The following FAM168A variants were observed in gnomAD, a reference collection of about 807,000 sequenced individuals.
FAM168A encodes the protein family with sequence similarity 168 member A.
In FAM168A, 3 loss-of-function variants were observed where a neutral mutation model predicts 28.5. That is an observed-to-expected ratio of 0.11 (90% CI 0.05 to 0.27). The LOEUF (loss-of-function observed/expected upper bound fraction) is 0.27. FAM168A is among the 10% of genes least tolerant of loss of function. FAM168A has a pLI of 1.00. For synonymous variants in FAM168A, 122 were observed against 124.2 expected (o/e 0.98, Z 0.12); for missense variants, 222 against 311.5 (o/e 0.71, Z 2.16).
intron 2 of FAM168A, among the ~76,000 whole-genome samples, chr11:73,454,442 C>T (rs1439648615): frequency 6.6e-6 from 1 of 152,140 alleles, no homozygotes; most frequent in Non-Finnish European, 1.5e-5. Context: ...AACTCCTCTC[C>T]TCTCATGCTT....
At chr11:73,456,916 G>GATAA (rs1256076325) in intron 2 of FAM168A, among the ~76,000 whole-genome samples, 1 of 152,196 alleles carries the variant, frequency 6.6e-6, no homozygotes, top group African/African-American at 2.4e-5. Context: ...CAAATATGGG[G>GATAA]GTTATGTGTT....
Position 73,402,284 on chromosome 11 carries a change from C to G in FAM168A, c.*4479G>C, listed in dbSNP as rs938589625. On this transcript the variant is annotated 3_prime_UTR_variant, in exon 8 of 8. Transcript: ENST00000356467. ...ACAGGGCCCAGAATGGGGCCCACCC[C>G]CTCTGGGCACAGAACAAAGCTGAGG... is the stretch of plus-strand genomic sequence containing the variant. The G allele has an allele frequency of 1.3e-5, 2 of 152,246 alleles. No homozygotes were observed. Among genetic ancestry groups the G allele is most frequent in the South Asian group, 2.1e-4 (1 of 4,828 alleles). The allele number at this position is 152,246 out of a possible 1,614,324, so 9.4% of individuals were successfully genotyped here. A position where few individuals can be genotyped will look rare whatever the true frequency, so the allele number is the denominator to read the frequency against.
intron 1 of FAM168A, among the ~76,000 whole-genome samples, chr11:73,544,949 A>AT (rs1943716994): frequency 2.2e-5 from 2 of 92,624 alleles, no homozygotes; most frequent in African/African-American, 1.2e-4. Context: ...TGTAATATAT[A>AT]ATATATTATA....
chr11:73,574,186 T>C (rs1323700550), intron 1 of FAM168A, among the ~76,000 whole-genome samples: 1 of 152,186 alleles, frequency 6.6e-6, no homozygotes, highest in Non-Finnish European at 1.5e-5. Context: ...CACATAATAG[T>C]TACTATCTTG....
rs182523756 is a variant in FAM168A at position 73,529,247 on chromosome 11, G to T, written c.-18-60755C>A. 2.0e-3 allele frequency among the ~76,000 whole-genome samples: 312 copies of T among 152,228 alleles called. 2 individuals carry two copies. Among genetic ancestry groups the T allele is most frequent in the South Asian group, 0.011 (53 of 4,818 alleles). ...CTCTATGCTTGCCTTCATAAGCTGG[G>T]AGAAAGGAAGGTGTTGCCTGTTCAA... On this transcript the variant is annotated intron_variant, in intron 1 of 7. Transcript: ENST00000356467.
At chr11:73,566,666 T>C (rs1488441117) in intron 1 of FAM168A, among the ~76,000 whole-genome samples, 1 of 152,190 alleles carries the variant, frequency 6.6e-6, no homozygotes, top group East Asian at 1.9e-4. Flanking sequence ...ACACAAGATT[T>C]GGATTCAAGT....
At chr11:73,535,873 AT>A (rs59707150) in intron 1 of FAM168A, among the ~76,000 whole-genome samples, 30,644 of 140,876 alleles carry the variant, frequency 0.22, 5,035 homozygotes, top group African/African-American at 0.48. Context: ...CACTTAAAAC[AT>A]TTTTTTTTTT....
intron 1 of FAM168A, among the ~76,000 whole-genome samples, chr11:73,585,677 G>C (rs985861740): frequency 2.0e-5 from 3 of 152,028 alleles, no homozygotes; most frequent in African/African-American, 7.3e-5. Context: ...AGACCAGCTT[G>C]GACAACATGG....
At chr11:73,575,237 T>C (rs1944157677) in intron 1 of FAM168A, among the ~76,000 whole-genome samples, 1 of 152,220 alleles carries the variant, frequency 6.6e-6, no homozygotes, top group South Asian at 2.1e-4. Flanking sequence ...TAGAAGTCCT[T>C]TAATTTTGGT....
intron 1 of FAM168A, among the ~76,000 whole-genome samples, chr11:73,578,079 C>T (rs755243636): frequency 2.0e-5 from 3 of 152,078 alleles, no homozygotes; most frequent in Non-Finnish European, 4.4e-5. Context: ...GGACTGAGGG[C>T]CTACTATGCA....
At chr11:73,484,258 G>A (rs944003452) in intron 1 of FAM168A, among the ~76,000 whole-genome samples, 2 of 151,832 alleles carry the variant, frequency 1.3e-5, no homozygotes, top group Admixed American at 6.6e-5. Flanking sequence ...TATTATCCCC[G>A]TTTTAAGGAT....
intron 2 of FAM168A, among the ~76,000 whole-genome samples, chr11:73,454,525 T>C (rs892465355): frequency 6.6e-6 from 1 of 152,156 alleles, no homozygotes; most frequent in Admixed American, 6.5e-5. Context: ...GGCAGAGAAA[T>C]TCTTAGCAGA....
chr11:73,478,471 C>T (rs948579202), intron 1 of FAM168A, among the ~76,000 whole-genome samples: 1 of 151,856 alleles, frequency 6.6e-6, no homozygotes, highest in African/African-American at 2.4e-5. Flanking sequence ...GCAGGAATGG[C>T]GATTGACTGC....
chr11:73,484,544 C>CTATA (rs1401594033), intron 1 of FAM168A, among the ~76,000 whole-genome samples: 4 of 134,084 alleles, frequency 3.0e-5, no homozygotes, highest in African/African-American at 6.2e-5. Flanking sequence ...ATCTATATAT[C>CTATA]TATCTATATC....
At chr11:73,517,474 T>C (rs954459093) in intron 1 of FAM168A, among the ~76,000 whole-genome samples, 1 of 152,052 alleles carries the variant, frequency 6.6e-6, no homozygotes, top group Admixed American at 6.6e-5. Context: ...TTCCAATTCA[T>C]AGATTTCTAA....
chr11:73,572,287 T>C (rs1253304586), intron 1 of FAM168A, among the ~76,000 whole-genome samples: 2 of 149,484 alleles, frequency 1.3e-5, no homozygotes, highest in Non-Finnish European at 3.0e-5. Context: ...AGCCGCCCCG[T>C]CCAGGAGGTG....
At chr11:73,575,170 C>T (rs1299356286) in intron 1 of FAM168A, among the ~76,000 whole-genome samples, 1 of 152,162 alleles carries the variant, frequency 6.6e-6, no homozygotes, top group Admixed American at 6.5e-5. Flanking sequence ...AGGCTATTTC[C>T]AGTGACTACG....
At chr11:73,415,686 T>G (rs1866684103) in intron 4 of FAM168A, among the ~76,000 whole-genome samples, 1 of 152,222 alleles carries the variant, frequency 6.6e-6, no homozygotes, top group Admixed American at 6.5e-5. Context: ...TAGCCTGAGC[T>G]TGGGTGACAC....
intron 1 of FAM168A, among the ~76,000 whole-genome samples, chr11:73,504,395 T>C (rs989776753): frequency 2.7e-4 from 41 of 151,854 alleles, no homozygotes; most frequent in Admixed American, 1.3e-4. Context: ...CCAACAAACA[T>C]GAAAAAAAGC....
Sources: gnomAD v4.1 joint callset for allele counts (sites outside exome capture counted in the v4.1 genomes callset) on GRCh38, gnomAD v4.1.1 for gene constraint, MANE v1.5 for transcripts, NCBI Gene and HGNC (gene_info 2026-07-23, HGNC 2026-07-21) for gene names.